COL4A3: variants seen among roughly 807,000 people sequenced by gnomAD.
The protein encoded by COL4A3 is collagen alpha-3(IV) chain.
Under a neutral mutation model 217.4 loss-of-function variants are expected in COL4A3, and 135 were observed. That is an observed-to-expected ratio of 0.62 (90% CI 0.54 to 0.72). The LOEUF is 0.72. COL4A3 is among the 30% of genes least tolerant of loss of function. The pLI, the probability that COL4A3 is intolerant of heterozygous loss-of-function variation, is 0.00. For missense variants in COL4A3, 1,868 were observed against 2,119.9 expected (o/e 0.88, Z 2.33); for synonymous variants, 690 against 736.3 (o/e 0.94, Z 1.02).
In COL4A3 at chr2:227,254,669, A is replaced by C. The variant is rs2125936354; in HGVS notation, c.842A>C (p.Glu281Ala). Residue 281 changes from glutamate to alanine, a missense_variant, in exon 15 of 52, where the codon GAA (glutamate) becomes GCA (alanine). Coordinates refer to ENST00000396578, the MANE Select transcript of COL4A3 (RefSeq NM_000091.5). ...GPPGPSGLPG[E>A]SYGSEKGAPG... ...TAATTAATACAGGGACTGCCTGGAG[A>C]ATCATATGGATCTGAAAAGGGTGCT... The C allele has an allele frequency of 2.5e-6, 4 of 1,613,002 alleles. No individual in the cohort carries two copies. Among genetic ancestry groups the C allele is most frequent in the Middle Eastern group, 1.7e-4 (1 of 6,058 alleles).
At position 227,303,992 on chromosome 2, in the gene COL4A3, A is replaced by G; in HGVS notation, c.4028-27A>G. 6.2e-7 allele frequency: 1 copy of G among 1,614,226 alleles called. No homozygotes were observed. The highest frequency in any genetic ancestry group is 8.5e-7 in the Non-Finnish European group (1 of 1,180,032). On this transcript the variant is annotated intron_variant, in intron 45 of 51. Coordinates refer to ENST00000396578, the MANE Select transcript of COL4A3 (RefSeq NM_000091.5). The stretch of plus-strand genomic sequence containing the variant: ...AAGGTAACACATCCGTGAGGCCATC[A>G]TCTTCTTCTTATGTTTATGTCAACA...
At chr2:227,179,079 G>T (rs1388378091) in intron 1 of COL4A3, among the ~76,000 whole-genome samples, 1 of 152,050 alleles carries the variant, frequency 6.6e-6, no homozygotes, top group East Asian at 1.9e-4. Flanking sequence ...AACCTTCCAA[G>T]TAGCTGGGAC....
In COL4A3 at chr2:227,304,085, C is replaced by G; in HGVS notation, c.4094C>G (p.Thr1365Arg). ...CCAGGAAGCCCAGGGCCACCTGGCA[C>G]ACCTGGAGAACCAGGGATGCAGGGA... ...SLPGSPGPPG[T>R]PGEPGMQGEP... Residue 1365 changes from threonine (T) to arginine (R), a missense_variant, in exon 46 of 52, where the codon ACA becomes AGA. This residue lies in a region of COL4A3 where 1,503 missense variants were observed against 1,786.1 expected (regional missense o/e 0.84). Transcript: ENST00000396578. 6.2e-7 allele frequency: 1 copy of G among 1,614,150 alleles called. No homozygotes were observed. Among genetic ancestry groups the G allele is most frequent in the Non-Finnish European group, 8.5e-7 (1 of 1,180,006 alleles).
intron 26 of COL4A3, among the ~76,000 whole-genome samples, chr2:227,275,459 G>A (rs908515815): frequency 1.3e-5 from 2 of 152,128 alleles, no homozygotes; most frequent in African/African-American, 4.8e-5. Context: ...GGGATTACAG[G>A]TGTGAACCAC....
chr2:227,170,599 C>T (rs866238917), intron 1 of COL4A3, among the ~76,000 whole-genome samples: 2 of 152,090 alleles, frequency 1.3e-5, no homozygotes, highest in African/African-American at 2.4e-5. Flanking sequence ...CACCGAGTCC[C>T]TCCCACAACA....
chr2:227,266,331 G>A (rs761888050), intron 21 of COL4A3, 86 bp from the exon 22 acceptor site: 85 of 989,822 alleles, frequency 8.6e-5, no homozygotes, highest in Non-Finnish European at 1.3e-4. Flanking sequence ...TGAGAGAGAT[G>A]CATTTTAAAT....
At chr2:227,280,801 T>C (rs2071908985) in intron 30 of COL4A3, 92 bp from the exon 31 acceptor site, 2 of 1,098,354 alleles carry the variant, frequency 1.8e-6, no homozygotes, top group Admixed American at 2.0e-5. Flanking sequence ...CTGATTTAGG[T>C]GGAAAAAAAG....
rs779263418 is a variant in COL4A3, at chr2:227,251,199, CTTT to C, written c.607_609del (p.Phe203del). On this transcript the variant is annotated inframe_deletion and splice_region_variant, in exon 10 of 52. Transcript: ENST00000396578. The stretch of plus-strand genomic sequence containing the variant: ...TTGGCCCACCTGGTCCTCCGGGATT[CTTT>C]GTGAGTATCAAGTCATCCTTGCTAC... 6.2e-7 allele frequency: 1 copy of C among 1,613,218 alleles called. No homozygotes were observed. The highest frequency in any genetic ancestry group is 1.1e-5 in the South Asian group (1 of 91,032).
Position 227,312,181 on chromosome 2 carries a change from T to G in COL4A3, c.*311T>G, listed in dbSNP as rs994125899. The G allele has an allele frequency of 3.1e-6, 1 of 325,496 alleles. No individual in the cohort carries two copies. The highest frequency in any genetic ancestry group is 7.4e-5 in the East Asian group (1 of 13,564). The allele number at this position is 325,496 out of a possible 1,614,324, so 20.2% of individuals were successfully genotyped here. ...CGGTGATTGTATGAAGTTTGAATGC[T>G]GCAAGTTATGAAATATTTGGCCCGC... On this transcript the variant is annotated 3_prime_UTR_variant, in exon 52 of 52. Transcript: ENST00000396578.
intron 1 of COL4A3, among the ~76,000 whole-genome samples, chr2:227,229,830 C>T (rs1266996859): frequency 1.3e-5 from 2 of 152,032 alleles, no homozygotes; most frequent in South Asian, 2.1e-4. Context: ...GAGTGGATCA[C>T]GAGGTCAGGA....
intron 1 of COL4A3, among the ~76,000 whole-genome samples, chr2:227,197,834 A>G (rs1337400338): frequency 1.3e-5 from 2 of 152,188 alleles, no homozygotes; most frequent in Non-Finnish European, 2.9e-5. Flanking sequence ...AGGTTACAAC[A>G]ATTATCTCAT....
chr2:227,177,131 C>A, intron 1 of COL4A3, among the ~76,000 whole-genome samples: 1 of 149,174 alleles, frequency 6.7e-6, no homozygotes, highest in Non-Finnish European at 1.5e-5. Flanking sequence ...ATTTTTGTGT[C>A]ATTTATTTTT....
rs755607195 is a variant in COL4A3 at position 227,294,582 on chromosome 2, G to A, written c.3418+12G>A. On this transcript the variant is annotated intron_variant, in intron 39 of 51. Transcript: ENST00000396578. ...CAGAGGCCCTCCAGGTTTCATTTTTGTACTTTCTCTTTTTCCTTTTCATGT... is the reference window on the plus strand; with the variant it reads ...CAGAGGCCCTCCAGGTTTCATTTTTATACTTTCTCTTTTTCCTTTTCATGT... 1.5e-5 allele frequency: 24 copies of A among 1,591,038 alleles called. No homozygotes were observed. Among genetic ancestry groups the A allele is most frequent in the Non-Finnish European group, 1.9e-5 (22 of 1,159,304 alleles).
At chr2:227,185,190 G>A (rs1055105870) in intron 1 of COL4A3, among the ~76,000 whole-genome samples, 1 of 152,082 alleles carries the variant, frequency 6.6e-6, no homozygotes, top group African/African-American at 2.4e-5. Flanking sequence ...GTGAGCCACA[G>A]CGCCCGGCCC....
At chr2:227,190,411 C>G (rs1406827011) in intron 1 of COL4A3, among the ~76,000 whole-genome samples, 1 of 152,116 alleles carries the variant, frequency 6.6e-6, no homozygotes, top group Non-Finnish European at 1.5e-5. Context: ...ACAGTCTGTA[C>G]CCATTCCTGA....
chr2:227,280,674 G>A, intron 30 of COL4A3, 84 bp downstream of exon 30: 2 of 1,476,060 alleles, frequency 1.4e-6, no homozygotes, highest in South Asian at 1.1e-5. Context: ...TTCTAGGCAT[G>A]AAGAATTCTC....
intron 43 of COL4A3, among the ~76,000 whole-genome samples, chr2:227,300,401 G>C (rs1285822311): frequency 6.6e-6 from 1 of 152,132 alleles, no homozygotes; most frequent in Non-Finnish European, 1.5e-5. Context: ...CTTAAGTGTA[G>C]AACTTTTACA....
At chr2:227,200,174 G>A (rs1358582062) in intron 1 of COL4A3, among the ~76,000 whole-genome samples, 1 of 146,386 alleles carries the variant, frequency 6.8e-6, no homozygotes, top group African/African-American at 2.5e-5. Context: ...CGATGTAGAT[G>A]GAAAAGAACA....
chr2:227,279,853 C>T lies in COL4A3; in HGVS notation c.2186C>T (p.Pro729Leu), dbSNP rs749279118. ...SLGCPGKMGE[P>L]GLPGKPGLPG... ...GGTTGTCCTGGAAAAATGGGAGAGCCTGGGTTACCTGGAAAGCCAGGCCTC... is the reference window on the plus strand; with the variant it reads ...GGTTGTCCTGGAAAAATGGGAGAGCTTGGGTTACCTGGAAAGCCAGGCCTC... The change falls in exon 29 of 52, where the codon CCT becomes CTT. Residue 729 changes from proline to leucine, a missense_variant. By Grantham distance (98) the Pro-to-Leu change is moderately conservative. Coordinates refer to ENST00000396578, the MANE Select transcript of COL4A3 (RefSeq NM_000091.5). The T allele has an allele frequency of 6.2e-6, 10 of 1,609,256 alleles. No individual in the cohort carries two copies. The highest frequency in any genetic ancestry group is 8.5e-6 in the Non-Finnish European group (10 of 1,177,926).
Sources: allele counts gnomAD v4.1 joint callset (sites outside exome capture counted in the v4.1 genomes callset), GRCh38; gene constraint gnomAD v4.1.1; regional missense constraint gnomAD v4.1.1; transcripts MANE v1.5; gene names NCBI Gene and HGNC (gene_info 2026-07-23, HGNC 2026-07-21).